ARHGAP35: variants seen among roughly 807,000 people sequenced by gnomAD.
ARHGAP35 encodes Rho GTPase activating protein 35.
Under a neutral mutation model 111.1 loss-of-function variants are expected in ARHGAP35, and 15 were observed. That is an observed-to-expected ratio of 0.13 (90% CI 0.09 to 0.21). ARHGAP35 has a LOEUF of 0.21. ARHGAP35 is among the 10% of genes least tolerant of loss of function. The pLI, the probability that ARHGAP35 is intolerant of heterozygous loss-of-function variation, is 1.00. For synonymous variants in ARHGAP35, 643 were observed against 710.3 expected (o/e 0.91, Z 1.51); for missense variants, 1,262 against 1,873.0 (o/e 0.67, Z 6.02).
rs2056371092 is a variant in ARHGAP35 at position 46,945,071 on chromosome 19, TTCAC to T, written c.3826+7666_3826+7669del. On this transcript the variant is annotated intron_variant, in intron 3 of 6. Transcript: ENST00000672722. This position sits in a 1 kb window ranked among gnomAD's most constrained non-coding sequence, Gnocchi z 4.1. Reference sequence around the variant, plus strand: ...TGCTGTGCTAATAGGATATTCGACTTTCACTCTCTCAGCTCCGGTTACATGGAAA... The same window carrying T: ...TGCTGTGCTAATAGGATATTCGACTTTCTCTCAGCTCCGGTTACATGGAAA... Among the ~76,000 whole-genome samples, 1 of 152,130 alleles carries T rather than the reference TTCAC, an allele frequency of 6.6e-6. No homozygotes were observed. The highest frequency in any genetic ancestry group is 2.4e-5 in the African/African-American group (1 of 41,424).
At chr19:46,904,212 T>A (rs2056094750) in intron 1 of ARHGAP35, among the ~76,000 whole-genome samples, 1 of 152,160 alleles carries the variant, frequency 6.6e-6, no homozygotes, top group Non-Finnish European at 1.5e-5. Context: ...TGCCTTCCCC[T>A]CTCCCCTTCA....
chr19:46,908,019 G>A lies in ARHGAP35; in HGVS notation c.-188-10469G>A, dbSNP rs1353941195. Among the ~76,000 whole-genome samples, 1 of 152,138 alleles carries A rather than the reference G, an allele frequency of 6.6e-6. No individual in the cohort carries two copies. Among genetic ancestry groups the A allele is most frequent in the East Asian group, 1.9e-4 (1 of 5,198 alleles). The stretch of plus-strand genomic sequence containing the variant: ...AATAGTAAGCCTTACTGTTGGACTC[G>A]AAAATAAGCTGACCCATTTTTCCCC... On this transcript the variant is annotated intron_variant, in intron 1 of 6. Transcript: ENST00000672722. This position sits in a 1 kb window ranked among gnomAD's most constrained non-coding sequence, Gnocchi z 4.2.
intron 1 of ARHGAP35, among the ~76,000 whole-genome samples, chr19:46,891,430 T>TG (rs1187677240): frequency 1.2e-4 from 18 of 151,562 alleles, no homozygotes; most frequent in African/African-American, 4.4e-4. Context: ...AGTTTTTTTT[T>TG]TTTGTTTTTT....
intron 1 of ARHGAP35, among the ~76,000 whole-genome samples, chr19:46,913,228 A>G (rs554621015): frequency 6.7e-6 from 1 of 149,094 alleles, no homozygotes; most frequent in East Asian, 2.0e-4. Context: ...AACATTTCCT[A>G]CTTCGGGGAG....
At chr19:46,942,566 G>A (rs2056354161) in intron 3 of ARHGAP35, among the ~76,000 whole-genome samples, 1 of 152,090 alleles carries the variant, frequency 6.6e-6, no homozygotes, top group Non-Finnish European at 1.5e-5. Flanking sequence ...GAACCCACGA[G>A]GCGGAGGTTG....
intron 1 of ARHGAP35, among the ~76,000 whole-genome samples, chr19:46,907,235 C>T (rs1789757132): frequency 6.6e-6 from 1 of 152,166 alleles, no homozygotes; most frequent in Non-Finnish European, 1.5e-5. Flanking sequence ...CAAGCTCTGC[C>T]TCCCAGGTTC....
chr19:46,864,744 A>G (rs1031963470), intron 1 of ARHGAP35, among the ~76,000 whole-genome samples: 1 of 152,178 alleles, frequency 6.6e-6, no homozygotes, highest in Non-Finnish European at 1.5e-5. Flanking sequence ...TTATTGACTT[A>G]AAGATTTTTG....
chr19:46,959,845 C>T (rs995684349), intron 3 of ARHGAP35, among the ~76,000 whole-genome samples: 1 of 152,038 alleles, frequency 6.6e-6, no homozygotes, highest in Non-Finnish European at 1.5e-5. Context: ...CCTGTAATCC[C>T]AGCATGCTGG....
intron 3 of ARHGAP35, among the ~76,000 whole-genome samples, chr19:46,972,165 C>T (rs1262445568): frequency 6.6e-6 from 1 of 152,178 alleles, no homozygotes; most frequent in Admixed American, 6.5e-5. Flanking sequence ...TGCATCAGCA[C>T]GCCAGGCTAC....
chr19:46,869,558 C>G (rs2055877002), intron 1 of ARHGAP35, among the ~76,000 whole-genome samples: 1 of 151,662 alleles, frequency 6.6e-6, no homozygotes, highest in Non-Finnish European at 1.5e-5. Flanking sequence ...GCTTTTCCCC[C>G]ATTTTCATTT....
chr19:46,977,993 C>T (rs951768016), intron 3 of ARHGAP35, among the ~76,000 whole-genome samples: 1 of 152,116 alleles, frequency 6.6e-6, no homozygotes, highest in African/African-American at 2.4e-5. Context: ...TCAGGGGAGA[C>T]CTCGGAGGGA....
chr19:46,883,394 C>T (rs1029486746), intron 1 of ARHGAP35, among the ~76,000 whole-genome samples: 1 of 152,120 alleles, frequency 6.6e-6, no homozygotes. Flanking sequence ...AGCCACTGTG[C>T]CCGGCCAATT....
At position 46,919,472 on chromosome 19, in the gene ARHGAP35, A is replaced by G; in HGVS notation, c.797A>G (p.Gln266Arg). Reference protein sequence around the residue: ...IIPYFEALKQQSQQIATAKDK... With the variant: ...IIPYFEALKQRSQQIATAKDK... ...CCTTATTTTGAAGCTCTCAAGCAGC[A>G]GAGTCAGCAGATAGCTACAGCAAAA... The change falls in exon 2 of 7, where the codon CAG becomes CGG. Residue 266 changes from glutamine to arginine, a missense_variant. Around this residue, in one of 8 missense-constraint regions of ARHGAP35, gnomAD observed 328 missense variants for 440.8 expected, o/e 0.74. Transcript: ENST00000672722. This position sits in a 1 kb window ranked among gnomAD's most constrained non-coding sequence, Gnocchi z 6.2. 1.2e-6 allele frequency: 2 copies of G among 1,614,030 alleles called. No homozygotes were observed. Among genetic ancestry groups the G allele is most frequent in the Non-Finnish European group, 1.7e-6 (2 of 1,179,898 alleles).
chr19:46,884,252 A>T (rs567998493), intron 1 of ARHGAP35, among the ~76,000 whole-genome samples: 1 of 152,088 alleles, frequency 6.6e-6, no homozygotes, highest in Admixed American at 6.6e-5. Flanking sequence ...TGGAGGCTAC[A>T]GTAAGCAATG....
intron 3 of ARHGAP35, among the ~76,000 whole-genome samples, chr19:46,955,142 G>A (rs2056432303): frequency 1.3e-5 from 2 of 152,206 alleles, no homozygotes; most frequent in African/African-American, 4.8e-5. Context: ...AGAAGAAGAA[G>A]AAGGCAAAAG....
At chr19:46,899,772 T>G (rs1214517025) in intron 1 of ARHGAP35, among the ~76,000 whole-genome samples, 1 of 151,666 alleles carries the variant, frequency 6.6e-6, no homozygotes, top group Non-Finnish European at 1.5e-5. Context: ...TACACAGTGA[T>G]TTGAGCTGGG....
At chr19:46,870,244 C>T (rs1415633255) in intron 1 of ARHGAP35, among the ~76,000 whole-genome samples, 6 of 151,296 alleles carry the variant, frequency 4.0e-5, no homozygotes, top group African/African-American at 4.9e-5. Flanking sequence ...CTACCACGCC[C>T]GGCTTGTATA....
chr19:46,983,110 T>C (rs1299833768), intron 3 of ARHGAP35, among the ~76,000 whole-genome samples: 1 of 140,164 alleles, frequency 7.1e-6, no homozygotes, highest in East Asian at 2.1e-4. Context: ...CCAAACTGAC[T>C]GAATCCAAAA....
intron 5 of ARHGAP35, among the ~76,000 whole-genome samples, chr19:46,995,004 C>T (rs997968165): frequency 6.6e-6 from 1 of 152,198 alleles, no homozygotes; most frequent in African/African-American, 2.4e-5. Flanking sequence ...TCGCTGAGGA[C>T]TGTTGAGGGA....
Sources: gnomAD v4.1 joint callset for allele counts (sites outside exome capture counted in the v4.1 genomes callset) on GRCh38, gnomAD v4.1.1 for gene constraint, gnomAD v4.1.1 regional missense constraint, Gnocchi (gnomAD v3.1) non-coding constraint, MANE v1.5 for transcripts, NCBI Gene and HGNC (gene_info 2026-07-23, HGNC 2026-07-21) for gene names.